Variants in ASZ1 observed in about 807,000 individuals in gnomAD.
ASZ1 encodes the protein ankyrin repeat, SAM and basic leucine zipper domain containing 1, also known as ankyrin repeat, SAM and basic leucine zipper domain-containing protein 1.
A neutral mutation model predicts 61.8 loss-of-function variants in ASZ1; 67 were observed. The observed-to-expected ratio is 1.08, with a 90% confidence interval of 0.89 to 1.33. The LOEUF (loss-of-function observed/expected upper bound fraction) is 1.33. Ranked by LOEUF, ASZ1 falls within the 40% of genes most tolerant of loss-of-function variation. The pLI is 0.00. For missense variants in ASZ1, 577 were observed against 554.5 expected, an observed-to-expected ratio of 1.04 and a Z score of -0.41; for synonymous variants, 193 against 192.7, an observed-to-expected ratio of 1.00 and a Z score of -0.01.
intron 12 of ASZ1, among the ~76,000 whole-genome samples, chr7:117,366,217 T>C (rs1054806480): frequency 6.6e-5 from 10 of 151,964 alleles, no homozygotes; most frequent in Admixed American, 2.6e-4. Flanking sequence ...TGAGCCAAGA[T>C]TGCACCACTG....
intron 4 of ASZ1, among the ~76,000 whole-genome samples, chr7:117,414,686 A>C (rs1047798562): frequency 3.3e-5 from 5 of 151,906 alleles, no homozygotes; most frequent in Non-Finnish European, 5.9e-5. Flanking sequence ...CCCTGTGTCC[A>C]TGTGTTCTCA....
In ASZ1 at chr7:117,427,348, T is replaced by A; in HGVS notation, c.105+8A>T. 1 of 1,614,134 alleles carries A rather than the reference T, an allele frequency of 6.2e-7. No homozygotes were observed. Among genetic ancestry groups the A allele is most frequent in the Non-Finnish European group, 8.5e-7 (1 of 1,179,956 alleles). On this transcript the variant is annotated splice_region_variant and intron_variant, in intron 1 of 12. Transcript: ENST00000284629. ...CAGGTGTGGTCAAGACAAGGCCTCCTCCGCTACCTGAGACGTCCGGTCGAG... is the reference window on the plus strand; with the variant it reads ...CAGGTGTGGTCAAGACAAGGCCTCCACCGCTACCTGAGACGTCCGGTCGAG...
chr7:117,388,938 A>G (rs766127917), intron 4 of ASZ1, among the ~76,000 whole-genome samples: 7 of 152,232 alleles, frequency 4.6e-5, no homozygotes, highest in Non-Finnish European at 7.3e-5. Context: ...AGGTTACAGC[A>G]TTCAAGAGAA....
intron 4 of ASZ1, among the ~76,000 whole-genome samples, chr7:117,391,319 C>T (rs1353108207): frequency 2.6e-5 from 4 of 152,108 alleles, no homozygotes; most frequent in Admixed American, 2.0e-4. Flanking sequence ...TTAGGCTCCA[C>T]TTGTCAAATT....
At chr7:117,368,115 C>G (rs1795978333) in intron 11 of ASZ1, 1 of 468,126 alleles carries the variant, frequency 2.1e-6, no homozygotes. Flanking sequence ...TTTGTAGAGA[C>G]AGGGTCTCAC....
intron 4 of ASZ1, 133 bp downstream of exon 4, chr7:117,420,030 A>G: frequency 1.7e-6 from 1 of 579,152 alleles, no homozygotes; most frequent in Non-Finnish European, 3.0e-6. Flanking sequence ...TAGAATTGGA[A>G]CAATGACCTT....
chr7:117,363,280 C>T lies in ASZ1; in HGVS notation c.*316G>A, dbSNP rs1384393487. 1.2e-5 allele frequency: 2 copies of T among 164,612 alleles called. No individual in the cohort carries two copies. Among genetic ancestry groups the T allele is most frequent in the Non-Finnish European group, 2.6e-5 (2 of 76,630 alleles). 10.2% of individuals were successfully genotyped at this position (164,612 alleles called of 1,614,324 possible). ...CACTTTACAAATCCTGTACGATTCA[C>T]TGACAAATGAACACACTTTAAAAAA... On this transcript the variant is annotated 3_prime_UTR_variant, in exon 13 of 13. Coordinates refer to ENST00000284629, the MANE Select transcript of ASZ1 (RefSeq NM_130768.3).
intron 10 of ASZ1, among the ~76,000 whole-genome samples, chr7:117,375,896 G>C (rs1193327293): frequency 1.3e-5 from 2 of 151,956 alleles, no homozygotes; most frequent in Non-Finnish European, 2.9e-5. Flanking sequence ...AAATGATCTA[G>C]ATTTCTGCCT....
chr7:117,427,271 G>A, intron 1 of ASZ1, 85 bp downstream of exon 1: 1 of 1,388,920 alleles, frequency 7.2e-7, no homozygotes, highest in Non-Finnish European at 1.0e-6. Context: ...TGAGGGAGTA[G>A]GAGGTTTCAC....
intron 3 of ASZ1, among the ~76,000 whole-genome samples, chr7:117,421,244 ACT>A (rs1797094532): frequency 6.6e-6 from 1 of 152,046 alleles, no homozygotes; most frequent in South Asian, 2.1e-4. Flanking sequence ...ACAGTGTCTC[ACT>A]CTGTTGTCCA....
At chr7:117,400,711 A>G (rs1293530114) in intron 4 of ASZ1, among the ~76,000 whole-genome samples, 2 of 152,222 alleles carry the variant, frequency 1.3e-5, no homozygotes, top group Non-Finnish European at 2.9e-5. Context: ...TACAACCACC[A>G]AGCTAAAACT....
intron 10 of ASZ1, among the ~76,000 whole-genome samples, chr7:117,375,283 AGTAG>A (rs1206499395): frequency 2.6e-5 from 4 of 152,214 alleles, no homozygotes; most frequent in African/African-American, 9.6e-5. Context: ...AATCTCTAGA[AGTAG>A]GTATTATGTA....
At chr7:117,372,964 G>A (rs1356496554) in intron 10 of ASZ1, among the ~76,000 whole-genome samples, 3 of 152,184 alleles carry the variant, frequency 2.0e-5, no homozygotes, top group Non-Finnish European at 2.9e-5. Context: ...CTGATGTTCA[G>A]TATTTAGAGT....
intron 4 of ASZ1, among the ~76,000 whole-genome samples, chr7:117,394,385 T>C (rs961729977): frequency 3.3e-5 from 5 of 152,350 alleles, no homozygotes; most frequent in Middle Eastern, 3.4e-3. Context: ...CTGGCCAAGA[T>C]GGTCATTTCT....
chr7:117,380,955 C>T, intron 9 of ASZ1, 56 bp downstream of exon 9: 2 of 1,430,314 alleles, frequency 1.4e-6, no homozygotes, highest in Admixed American at 2.0e-5. Context: ...AGAAAAGGAT[C>T]CACAATTTTA....
chr7:117,404,668 T>C (rs1480264581), intron 4 of ASZ1, among the ~76,000 whole-genome samples: 2 of 152,140 alleles, frequency 1.3e-5, no homozygotes, highest in Non-Finnish European at 2.9e-5. Flanking sequence ...ATTAATAGCA[T>C]GTTTCATCCC....
intron 1 of ASZ1, 46 bp downstream of exon 1, chr7:117,427,310 G>A: frequency 6.3e-7 from 1 of 1,596,228 alleles, no homozygotes; most frequent in Non-Finnish European, 8.6e-7. Context: ...CGAGGGCCAG[G>A]GGAGGCTGAA....
In ASZ1 at chr7:117,363,428, G is replaced by C. The variant is rs1795863214; in HGVS notation, c.*168C>G. On this transcript the variant is annotated 3_prime_UTR_variant, in exon 13 of 13. Transcript: ENST00000284629. ...TAAACATAACAAATTGTATTTATAA[G>C]TCAAAGTAACAAACCACTTTTTAAA... 1 of 453,322 alleles carries C rather than the reference G, an allele frequency of 2.2e-6. No homozygotes were observed. Among genetic ancestry groups the C allele is most frequent in the Admixed American group, 4.4e-5 (1 of 22,918 alleles). 28.1% of individuals were successfully genotyped at this position (453,322 alleles called of 1,614,324 possible).
chr7:117,427,254 ATACACGTGAGGGAG>A (rs1299477691), intron 1 of ASZ1, 88 bp downstream of exon 1: 4 of 1,292,402 alleles, frequency 3.1e-6, no homozygotes, highest in Non-Finnish European at 4.4e-6. Flanking sequence ...TAAAAGGGAA[ATACACGTGAGGGAG>A]TAGGAGGTTT....
Sources: allele counts gnomAD v4.1 joint callset (sites outside exome capture counted in the v4.1 genomes callset), GRCh38; gene constraint gnomAD v4.1.1; transcripts MANE v1.5; gene names NCBI Gene and HGNC (gene_info 2026-07-23, HGNC 2026-07-21).